BCAS3: variants seen among roughly 807,000 people sequenced by gnomAD.
BCAS3 encodes the protein BCAS4/BCAS3 fusion.
A neutral mutation model predicts 116.1 loss-of-function variants in BCAS3; 53 were observed. That is an observed-to-expected ratio of 0.46 (90% CI 0.37 to 0.57). The LOEUF is 0.57. Ranked by LOEUF, BCAS3 falls within the 20% of genes least tolerant of loss-of-function variation. BCAS3 has a pLI of 0.00. For synonymous variants in BCAS3, 391 were observed against 408.2 expected (o/e 0.96, Z 0.51); for missense variants, 917 against 1,165.4 (o/e 0.79, Z 3.10).
intron 22 of BCAS3, among the ~76,000 whole-genome samples, chr17:61,216,335 AT>A (rs2031865320): frequency 6.6e-6 from 1 of 152,072 alleles, no homozygotes; most frequent in Non-Finnish European, 1.5e-5. Context: ...ATTTTGTCAG[AT>A]TTTTCTTAAG....
At chr17:60,784,870 T>C (rs1043662199) in intron 6 of BCAS3, among the ~76,000 whole-genome samples, 2 of 151,782 alleles carry the variant, frequency 1.3e-5, no homozygotes, top group Non-Finnish European at 2.9e-5. Flanking sequence ...CTGACGTGGA[T>C]GGAGCACCTG....
intron 7 of BCAS3, among the ~76,000 whole-genome samples, chr17:60,809,455 G>A (rs2048591006): frequency 6.6e-6 from 1 of 152,172 alleles, no homozygotes; most frequent in African/African-American, 2.4e-5. Context: ...ATTCATGCCT[G>A]CAGCTGCTCC....
At chr17:61,022,407 C>T (rs2065940215) in intron 16 of BCAS3, among the ~76,000 whole-genome samples, 1 of 151,984 alleles carries the variant, frequency 6.6e-6, no homozygotes, top group African/African-American at 2.4e-5. Flanking sequence ...CCACGCTTGG[C>T]TAATTTTTTT....
intron 22 of BCAS3, among the ~76,000 whole-genome samples, chr17:61,260,552 C>G (rs1455078355): frequency 6.6e-6 from 1 of 152,174 alleles, no homozygotes; most frequent in African/African-American, 2.4e-5. Flanking sequence ...TGTTGTAGGT[C>G]AGAGCTTCAA....
intron 7 of BCAS3, among the ~76,000 whole-genome samples, chr17:60,858,358 G>T (rs1031156464): frequency 3.3e-5 from 5 of 151,140 alleles, no homozygotes; most frequent in African/African-American, 9.7e-5. Flanking sequence ...ACACTGATTT[G>T]CTTCCTATTA....
intron 7 of BCAS3, among the ~76,000 whole-genome samples, chr17:60,858,520 T>G (rs919701867): frequency 6.6e-6 from 1 of 152,234 alleles, no homozygotes; most frequent in African/African-American, 2.4e-5. Context: ...TTTTAAATGC[T>G]GAGTACTTTT....
chr17:61,103,394 A>G (rs1291189651), intron 22 of BCAS3, among the ~76,000 whole-genome samples: 3 of 152,150 alleles, frequency 2.0e-5, no homozygotes, highest in Middle Eastern at 3.4e-3. Context: ...TTTTACTCTA[A>G]CTCCAGGAAC....
chr17:61,207,454 CA>C (rs1470343376), intron 22 of BCAS3, among the ~76,000 whole-genome samples: 1 of 152,080 alleles, frequency 6.6e-6, no homozygotes, highest in Non-Finnish European at 1.5e-5. Flanking sequence ...TCCAAGGTTA[CA>C]AAGACAGTGA....
intron 22 of BCAS3, among the ~76,000 whole-genome samples, chr17:61,284,274 C>T (rs974732895): frequency 1.3e-5 from 2 of 152,178 alleles, no homozygotes; most frequent in Admixed American, 6.5e-5. Context: ...CCTTCTATGT[C>T]AGGAAGGTTT....
Position 60,993,689 on chromosome 17 carries a change from A to G in BCAS3, c.1486+3454A>G, listed in dbSNP as rs1416888451. Reference sequence around the variant, plus strand: ...GTAAACAGTCTGATGCTGGTCAAAAACAATGTAAACCATTGAACAGGGAGG... The same window carrying G: ...GTAAACAGTCTGATGCTGGTCAAAAGCAATGTAAACCATTGAACAGGGAGG... On this transcript the variant is annotated intron_variant, in intron 15 of 23. Coordinates refer to ENST00000407086, the MANE Select transcript of BCAS3 (RefSeq NM_017679.5). The surrounding 1 kb of genome is among the most constrained non-coding windows in gnomAD (Gnocchi z 4.2). Among the ~76,000 whole-genome samples, 2 of 152,170 alleles carry G rather than the reference A, an allele frequency of 1.3e-5. No individual in the cohort carries two copies. The highest frequency in any genetic ancestry group is 2.9e-5 in the Non-Finnish European group (2 of 68,002).
rs2045321382 is a variant in BCAS3, at chr17:60,776,696, G to A, written c.403+29417G>A. ...ATCGCACCACTGTACTCCAGCCTGGGTGATAGAGTGAGACTCCGTCTCAAA... is the reference window on the plus strand; with the variant it reads ...ATCGCACCACTGTACTCCAGCCTGGATGATAGAGTGAGACTCCGTCTCAAA... On this transcript the variant is annotated intron_variant, in intron 6 of 23. Transcript: ENST00000407086. Among the ~76,000 whole-genome samples, 9 of 147,488 alleles carry A rather than the reference G, an allele frequency of 6.1e-5. No homozygotes were observed. In the South Asian group the frequency reaches 2.0e-3, roughly 32 times the overall value.
chr17:61,378,052 T>G lies in BCAS3; in HGVS notation c.2593+9558T>G, dbSNP rs990864384. ...GGCCTGCCTTGACTGCCGTTGCACT[T>G]CCCTGCTCAGAAAGTGTCCAGGCCT... On this transcript the variant is annotated intron_variant, in intron 23 of 23. Coordinates refer to ENST00000407086, the MANE Select transcript of BCAS3 (RefSeq NM_017679.5). This position sits in a 1 kb window ranked among gnomAD's most constrained non-coding sequence, Gnocchi z 5.8. 2 of 152,164 alleles carry G rather than the reference T, an allele frequency of 1.3e-5. No individual in the cohort carries two copies. Among genetic ancestry groups the G allele is most frequent in the Non-Finnish European group, 2.9e-5 (2 of 68,056 alleles). The allele number at this position is 152,164 out of a possible 1,614,324, so 9.4% of individuals were successfully genotyped here.
chr17:61,236,533 G>A (rs376441320), intron 22 of BCAS3, among the ~76,000 whole-genome samples: 25 of 152,164 alleles, frequency 1.6e-4, no homozygotes, highest in African/African-American at 5.8e-4. Flanking sequence ...TGTTAGCCAG[G>A]GTGGTCTCGA....
rs2073176969 is a variant in BCAS3 at position 61,087,442 on chromosome 17, A to G, written c.2425+2878A>G. On this transcript the variant is annotated intron_variant, in intron 22 of 23. Transcript: ENST00000407086. The surrounding 1 kb of genome is among the most constrained non-coding windows in gnomAD (Gnocchi z 4.6). ...AATTACTTTATTCACAGATAATAGA[A>G]TTTAATGTGATATAATTAAATCCTT... is the stretch of plus-strand genomic sequence containing the variant. 6.5e-6 allele frequency: 1 copy of G among 153,146 alleles called. No homozygotes were observed. The highest frequency in any genetic ancestry group is 2.4e-5 in the African/African-American group (1 of 41,482). The allele number at this position is 153,146 out of a possible 1,614,324, so 9.5% of individuals were successfully genotyped here.
intron 22 of BCAS3, among the ~76,000 whole-genome samples, chr17:61,152,223 A>G (rs1048807981): frequency 1.3e-5 from 2 of 152,182 alleles, no homozygotes; most frequent in African/African-American, 4.8e-5. Flanking sequence ...TGGGGTGGCC[A>G]GCTTTTATTC....
chr17:60,940,127 A>T (rs1166920345), intron 13 of BCAS3, among the ~76,000 whole-genome samples: 4 of 152,240 alleles, frequency 2.6e-5, no homozygotes. Context: ...ATTAAAAAAT[A>T]AAGTGAGCTA....
At chr17:60,757,626 A>T (rs1232695984) in intron 6 of BCAS3, among the ~76,000 whole-genome samples, 1 of 151,904 alleles carries the variant, frequency 6.6e-6, no homozygotes, top group African/African-American at 2.4e-5. Flanking sequence ...AAAATTGTTG[A>T]ATTTTTTGAG....
chr17:60,702,716 AGTAACTGGGACT>A (rs2036574755), intron 4 of BCAS3, among the ~76,000 whole-genome samples: 1 of 152,028 alleles, frequency 6.6e-6, no homozygotes, highest in East Asian at 1.9e-4. Context: ...CAGCCTCCGA[AGTAACTGGGACT>A]GTAGGCGTGT....
intron 6 of BCAS3, among the ~76,000 whole-genome samples, chr17:60,787,053 T>G (rs1045755273): frequency 1.3e-5 from 2 of 152,294 alleles, no homozygotes; most frequent in Admixed American, 1.3e-4. Flanking sequence ...AAAGCTCACC[T>G]TTTTTTCTCA....
Sources: gnomAD v4.1 joint callset for allele counts (sites outside exome capture counted in the v4.1 genomes callset) on GRCh38, gnomAD v4.1.1 for gene constraint, Gnocchi (gnomAD v3.1) non-coding constraint, MANE v1.5 for transcripts, NCBI Gene and HGNC (gene_info 2026-07-23, HGNC 2026-07-21) for gene names.